MSI2: variants seen among roughly 807,000 people sequenced by gnomAD.
The protein encoded by MSI2 is RNA-binding protein Musashi homolog 2.
MSI2 carries 17 observed loss-of-function variants against 45.6 expected under a neutral mutation model. That is an observed-to-expected ratio of 0.37 (90% confidence interval 0.26 to 0.56). MSI2 has a LOEUF of 0.56. MSI2 is among the 20% of genes least tolerant of loss of function. The pLI is 0.77. For missense variants in MSI2, 293 were observed against 444.2 expected (o/e 0.66, Z 3.06); for synonymous variants, 156 against 158.2 (o/e 0.99, Z 0.11).
intron 5 of MSI2, among the ~76,000 whole-genome samples, chr17:57,393,332 A>C (rs1180334770): frequency 6.6e-6 from 1 of 152,184 alleles, no homozygotes; most frequent in Non-Finnish European, 1.5e-5. Context: ...AATCTGAAAC[A>C]CTTCCGGTTC....
chr17:57,461,866 T>G (rs200595808), intron 6 of MSI2, among the ~76,000 whole-genome samples: 2 of 152,192 alleles, frequency 1.3e-5, no homozygotes, highest in East Asian at 1.9e-4. Flanking sequence ...GCATAAACTT[T>G]CTTCTCTTAC....
chr17:57,439,849 TG>T (rs1029784842), intron 6 of MSI2, among the ~76,000 whole-genome samples: 7 of 151,982 alleles, frequency 4.6e-5, no homozygotes, highest in African/African-American at 1.7e-4. Context: ...CCCGAAGTCT[TG>T]GGATAGTGTG....
chr17:57,650,398 T>C (rs965607899), intron 10 of MSI2, among the ~76,000 whole-genome samples: 1 of 152,198 alleles, frequency 6.6e-6, no homozygotes, highest in African/African-American at 2.4e-5. Context: ...TAACTTGACT[T>C]CTTCCTTGTG....
At chr17:57,519,256 T>C (rs1567873541) in intron 6 of MSI2, among the ~76,000 whole-genome samples, 1 of 152,102 alleles carries the variant, frequency 6.6e-6, no homozygotes, top group Non-Finnish European at 1.5e-5. Flanking sequence ...GCATGGACCA[T>C]GTATGGGTGT....
intron 6 of MSI2, among the ~76,000 whole-genome samples, chr17:57,463,170 G>T (rs979435935): frequency 3.9e-5 from 6 of 152,204 alleles, no homozygotes; most frequent in Non-Finnish European, 8.8e-5. Context: ...GGCCTGCTCA[G>T]TTTGCCAAGG....
intron 6 of MSI2, among the ~76,000 whole-genome samples, chr17:57,482,494 A>G (rs752040409): frequency 3.3e-5 from 5 of 152,218 alleles, no homozygotes; most frequent in African/African-American, 4.8e-5. Context: ...ATATATTGCC[A>G]TGGCCAAGTC....
chr17:57,517,294 G>C (rs1041964971), intron 6 of MSI2, among the ~76,000 whole-genome samples: 2 of 152,188 alleles, frequency 1.3e-5, no homozygotes, highest in African/African-American at 2.4e-5. Context: ...AACTTCCTTG[G>C]ATGTCATCAA....
At chr17:57,334,142 T>TTGGC (rs1257487789) in intron 5 of MSI2, among the ~76,000 whole-genome samples, 1 of 152,172 alleles carries the variant, frequency 6.6e-6, no homozygotes, top group Non-Finnish European at 1.5e-5. Flanking sequence ...AAGCCTCTGC[T>TTGGC]TGGCTGCCTT....
chr17:57,688,560 G>A (rs923032209), downstream of MSI2, among the ~76,000 whole-genome samples: 2 of 152,068 alleles, frequency 1.3e-5, no homozygotes, highest in Non-Finnish European at 2.9e-5. Context: ...AATCTAACAA[G>A]TGGCTTGAAG....
intron 7 of MSI2, among the ~76,000 whole-genome samples, chr17:57,575,705 G>A (rs1259556193): frequency 2.0e-5 from 3 of 152,100 alleles, no homozygotes; most frequent in Non-Finnish European, 4.4e-5. Context: ...CAGCACTTTG[G>A]GAGGCTGAGG....
chr17:57,648,167 G>GTA (rs1161560354), intron 10 of MSI2, among the ~76,000 whole-genome samples: 1 of 149,290 alleles, frequency 6.7e-6, no homozygotes, highest in Non-Finnish European at 1.5e-5. Context: ...GTGTGTGTGT[G>GTA]TGTGTGTGTG....
chr17:57,644,863 C>G (rs1910532388), intron 10 of MSI2, among the ~76,000 whole-genome samples: 1 of 152,152 alleles, frequency 6.6e-6, no homozygotes, highest in Non-Finnish European at 1.5e-5. Context: ...AGAATTCTCT[C>G]ATCTCCTCCT....
chr17:57,370,475 C>T (rs1485154902), intron 5 of MSI2, among the ~76,000 whole-genome samples: 1 of 152,180 alleles, frequency 6.6e-6, no homozygotes, highest in East Asian at 1.9e-4. Flanking sequence ...GCTGTCCCAT[C>T]TGTGGCCTCT....
rs900950687 is a variant in MSI2, at chr17:57,426,854, A to G, written c.405+25383A>G. Among the ~76,000 whole-genome samples the G allele has an allele frequency of 4.6e-5, 7 of 152,346 alleles. No individual in the cohort carries two copies. In the Middle Eastern group the frequency reaches 0.014, roughly 296 times the overall value. On this transcript the variant is annotated intron_variant, in intron 6 of 13. Coordinates refer to ENST00000284073, the MANE Select transcript of MSI2 (RefSeq NM_138962.4). The stretch of plus-strand genomic sequence containing the variant: ...GGAGGTCTGCAGTGTTCAGCGTTAG[A>G]GTGAAGATTTTCATGAAGCATGGCC...
At chr17:57,334,548 CT>C (rs931149730) in intron 5 of MSI2, among the ~76,000 whole-genome samples, 23 of 152,180 alleles carry the variant, frequency 1.5e-4, no homozygotes, top group Admixed American at 1.5e-3. Context: ...AATCCCAGCA[CT>C]TTGGGAAGCC....
the MSI2 span, among the ~76,000 whole-genome samples, chr17:57,693,932 A>G: frequency 1.3e-5 from 2 of 152,226 alleles, no homozygotes; most frequent in Non-Finnish European, 2.9e-5. Flanking sequence ...TGGTTTTTAT[A>G]TTTTTAAATG....
intron 5 of MSI2, among the ~76,000 whole-genome samples, chr17:57,337,101 A>G (rs987710781): frequency 6.6e-6 from 1 of 152,126 alleles, no homozygotes; most frequent in Non-Finnish European, 1.5e-5. Context: ...CTTGGGCACC[A>G]CCATTTCTTT....
chr17:57,579,916 G>A (rs1477025560), intron 7 of MSI2, among the ~76,000 whole-genome samples: 2 of 152,148 alleles, frequency 1.3e-5, no homozygotes, highest in African/African-American at 4.8e-5. Context: ...CCAAAGCCCA[G>A]GCTCCTTCCA....
chr17:57,344,846 C>T (rs539995700), intron 5 of MSI2, among the ~76,000 whole-genome samples: 8 of 152,120 alleles, frequency 5.3e-5, no homozygotes, highest in Non-Finnish European at 7.4e-5. Context: ...GGGTGGATTA[C>T]GAGGTCAGGA....
Sources: allele counts gnomAD v4.1 joint callset (sites outside exome capture counted in the v4.1 genomes callset), GRCh38; gene constraint gnomAD v4.1.1; transcripts MANE v1.5; gene names NCBI Gene and HGNC (gene_info 2026-07-23, HGNC 2026-07-21).